PODNL1: variants seen among roughly 807,000 people sequenced by gnomAD.
PODNL1 encodes the protein podocan like 1.
PODNL1 carries 50 observed loss-of-function variants against 45.1 expected under a neutral mutation model. The observed-to-expected ratio is 1.11, with a 90% confidence interval of 0.88 to 1.40. The LOEUF (loss-of-function observed/expected upper bound fraction) is 1.40. Among genes scored for constraint, PODNL1 ranks in the 40% most tolerant of loss-of-function variants. The pLI is 0.00. For synonymous variants in PODNL1, 406 were observed against 372.5 expected (o/e 1.09, Z -1.04); for missense variants, 788 against 793.3 (o/e 0.99, Z 0.08).
chr19:13,948,030 ATT>A (rs1318886382), intron 1 of PODNL1, among the ~76,000 whole-genome samples: 1 of 151,442 alleles, frequency 6.6e-6, no homozygotes, highest in Non-Finnish European at 1.5e-5. Flanking sequence ...AATTTCTAAA[ATT>A]TTTATAGAGA....
chr19:13,952,651 C>T lies in PODNL1; in HGVS notation c.18+468G>A, dbSNP rs140944556. On this transcript the variant is annotated intron_variant, in intron 1 of 7. Transcript: ENST00000538371. ...GCAGCTGGAGCGGGTCAAGGTGAGG[C>T]CTGGAGCCGGAGTGGGGAGCGCGCC... 628 of 1,291,218 alleles carry T rather than the reference C, an allele frequency of 4.9e-4. 2 individuals carry two copies. The African/African-American group carries it at 8.7e-3, about 18-fold the overall frequency. 80.0% of individuals were successfully genotyped at this position (1,291,218 alleles called of 1,614,324 possible).
In PODNL1 at chr19:13,931,702, A is replaced by G; in HGVS notation, c.*35T>C. 2 of 1,231,632 alleles carry G rather than the reference A, an allele frequency of 1.6e-6. No homozygotes were observed. Among genetic ancestry groups the G allele is most frequent in the South Asian group, 4.1e-5 (1 of 24,286 alleles). The allele number at this position is 1,231,632 out of a possible 1,614,324, so 76.3% of individuals were successfully genotyped here. ...TCAGTCCACGGCCCAGCGGAGTCCC[A>G]GGAGTCTGAGCTGCTCTGCTGGGCC... On this transcript the variant is annotated 3_prime_UTR_variant, in exon 10 of 10. Coordinates refer to ENST00000588872, the MANE Select transcript of PODNL1 (RefSeq NM_001370095.3).
chr19:13,932,797 C>G lies in PODNL1; in HGVS notation c.1425+1G>C. 6.2e-7 allele frequency: 1 copy of G among 1,613,012 alleles called. No homozygotes were observed. The highest frequency in any genetic ancestry group is 1.3e-5 in the African/African-American group (1 of 75,070). ...GTGTGGCTAACCAGCCTGTGCCTGA[C>G]CTGGAGGGCTTGGAGCTCATGCCAG... On this transcript the variant is annotated splice_donor_variant, in intron 8 of 9. Coordinates refer to ENST00000588872, the MANE Select transcript of PODNL1 (RefSeq NM_001370095.3). LOFTEE classifies it high-confidence loss of function.
intron 6 of PODNL1, 102 bp downstream of exon 6, chr19:13,934,152 C>T (rs1259768529): frequency 7.1e-7 from 1 of 1,398,968 alleles, no homozygotes; most frequent in Non-Finnish European, 9.6e-7. Context: ...CACTGGCATT[C>T]TGAGGGGCAA....
intron 1 of PODNL1, among the ~76,000 whole-genome samples, chr19:13,952,040 G>C (rs538433716): frequency 7.2e-5 from 11 of 152,218 alleles, no homozygotes; most frequent in African/African-American, 2.6e-4. Context: ...CTCTTTCCTC[G>C]GCCTGGCTCT....
rs573054012 is a variant in PODNL1 at position 13,950,722 on chromosome 19, G to A, written c.18+2397C>T. 5.3e-5 allele frequency among the ~76,000 whole-genome samples: 8 copies of A among 152,272 alleles called. No individual in the cohort carries two copies. In the East Asian group the frequency reaches 1.5e-3, roughly 29 times the overall value. ...TTTGCTCTCCATGGACGTAGGGTAT[G>A]CAAGAAGCAGGGGAACCTTTGGCTA... On this transcript the variant is annotated intron_variant, in intron 1 of 7. Coordinates refer to the PODNL1 transcript ENST00000538371.
chr19:13,936,292 G>C, intron 3 of PODNL1, 75 bp downstream of exon 3: 1 of 1,372,202 alleles, frequency 7.3e-7, no homozygotes, highest in Non-Finnish European at 1.0e-6. Context: ...CAGATGGGGC[G>C]GGGGAGGGGG....
chr19:13,934,541 G>A, intron 5 of PODNL1, 131 bp from the exon 6 acceptor site: 1 of 902,406 alleles, frequency 1.1e-6, no homozygotes, highest in Non-Finnish European at 1.6e-6. Flanking sequence ...GCGCATGTGT[G>A]GAGTCTGTGT....
Position 13,933,326 on chromosome 19 carries a change from C to T in PODNL1, c.897G>A (p.Arg299=). Residue 299 remains arginine (R), a synonymous_variant, in exon 8 of 10, where the codon CGG becomes CGA. Transcript: ENST00000588872. This position sits in a 1 kb window ranked among gnomAD's most constrained non-coding sequence, Gnocchi z 5.2. Reference sequence around the variant, plus strand: ...AGCGCAGACCACGCGCCCCGTGCAGCCGAGCCGCCTCCACCTGCCGGATGC... The same window carrying T: ...AGCGCAGACCACGCGCCCCGTGCAGTCGAGCCGCCTCCACCTGCCGGATGC... The part of the protein sequence containing the change: ...RNRIRQVEAA[R]LHGARGLRYL... 1.2e-6 allele frequency: 2 copies of T among 1,601,150 alleles called. No individual in the cohort carries two copies. Among genetic ancestry groups the T allele is most frequent in the Non-Finnish European group, 8.5e-7 (1 of 1,177,416 alleles).
rs1392584560 is a variant in PODNL1 at position 13,933,264 on chromosome 19, C to T, written c.959G>A (p.Gly320Glu). Reference sequence around the variant, plus strand: ...CGGCCGCAGAGCCCCGGCGGGCAGCCCTGAGCTCCCCAGCTGGTTGTGCTG... The same window carrying T: ...CGGCCGCAGAGCCCCGGCGGGCAGCTCTGAGCTCCCCAGCTGGTTGTGCTG... ...LLQHNQLGSS[G>E]LPAGALRPLR... is the part of the protein sequence containing the mutation. Residue 320 changes from glycine (G) to glutamate (E), a missense_variant, in exon 8 of 10, where the codon GGG becomes GAG. Transcript: ENST00000588872. The surrounding 1 kb of genome is among the most constrained non-coding windows in gnomAD (Gnocchi z 5.2). The T allele has an allele frequency of 6.4e-7, 1 of 1,559,600 alleles. No individual in the cohort carries two copies.
chr19:13,932,878 G>C lies in PODNL1; in HGVS notation c.1345C>G (p.Arg449Gly). ...CGGTTGTGCGCCAGGCTGAGCTCCC[G>C]CAGTTGGTCCAGGCCGGCCAGAGGC... is the stretch of plus-strand genomic sequence containing the variant. ...PEPLAGLDQL[R>G]ELSLAHNRLR... Residue 449 changes from arginine (R) to glycine (G), a missense_variant, in exon 8 of 10, where the codon CGG becomes GGG. Physicochemically the swap from Arg to Gly is moderately radical, Grantham distance 125 (BLOSUM62 -2). This residue lies in a region of PODNL1 where 762 missense variants were observed against 750.9 expected (regional missense o/e 1.01). Coordinates refer to ENST00000588872, the MANE Select transcript of PODNL1 (RefSeq NM_001370095.3). 2 of 1,608,578 alleles carry C rather than the reference G, an allele frequency of 1.2e-6. No homozygotes were observed. Among genetic ancestry groups the C allele is most frequent in the Non-Finnish European group, 1.7e-6 (2 of 1,178,228 alleles).
At chr19:13,948,456 C>G (rs1242867791) in intron 1 of PODNL1, among the ~76,000 whole-genome samples, 1 of 150,080 alleles carries the variant, frequency 6.7e-6, no homozygotes, top group Admixed American at 6.7e-5. Context: ...TCCTGATCCA[C>G]CTGCCTCAGC....
Position 13,931,940 on chromosome 19 carries a change from CCCCTCCGGTCA to C in PODNL1, c.1574+13_1574+23del, listed in dbSNP as rs1971970982. 5.7e-6 allele frequency: 7 copies of C among 1,232,204 alleles called. No individual in the cohort carries two copies. The highest frequency in any genetic ancestry group is 7.1e-6 in the Non-Finnish European group (7 of 988,042). The allele number at this position is 1,232,204 out of a possible 1,614,324, so 76.3% of individuals were successfully genotyped here. On this transcript the variant is annotated intron_variant, in intron 9 of 9. Coordinates refer to ENST00000588872, the MANE Select transcript of PODNL1 (RefSeq NM_001370095.3). ...CCAGGCCCTCCCCTGCCCACCTCCA[CCCCTCCGGTCA>C]CCCTCGGGGCACCTGAGGAAGAGGG...
chr19:13,932,777 G>A, intron 8 of PODNL1, 21 bp downstream of exon 8: 1 of 1,612,702 alleles, frequency 6.2e-7, no homozygotes. Context: ...GGACAGTGTG[G>A]CTAACCAGCC....
rs1272710324 is a variant in PODNL1 at position 13,936,013 on chromosome 19, G to C, written c.351C>G (p.Thr117=). ...GLPDEAFESL[T]QLQHLCVAHN... ...GAGCCACGCAGAGGTGCTGCAGCTG[G>C]GTGAGGGACTCGAAGGCCTCGTCAG... Residue 117 remains threonine (T), a synonymous_variant, in exon 4 of 10, where the codon ACC becomes ACG. Transcript: ENST00000588872. 5 of 1,552,866 alleles carry C rather than the reference G, an allele frequency of 3.2e-6. No individual in the cohort carries two copies. Among genetic ancestry groups the C allele is most frequent in the Non-Finnish European group, 4.4e-6 (5 of 1,149,056 alleles).
chr19:13,934,061 TTGAGTAAGGGAG>T (rs1972152049), intron 6 of PODNL1, 68 bp from the exon 7 acceptor site: 1 of 1,454,514 alleles, frequency 6.9e-7, no homozygotes, highest in African/African-American at 1.4e-5. Context: ...CAGACGGCTC[TTGAGTAAGGGAG>T]TGACGAGGAG....
At chr19:13,934,498 A>AGTGTGTGTGTGTGTGT in intron 5 of PODNL1, 88 bp from the exon 6 acceptor site, 1 of 979,646 alleles carries the variant, frequency 1.0e-6, no homozygotes, top group Non-Finnish European at 1.4e-6. Flanking sequence ...GGTCGCCTTC[A>AGTGTGTGTGTGTGTGT]GTGTGTGTGT....
At chr19:13,950,440 GCTT>G (rs1972960082) in intron 1 of PODNL1, among the ~76,000 whole-genome samples, 1 of 152,144 alleles carries the variant, frequency 6.6e-6, no homozygotes, top group African/African-American at 2.4e-5. Flanking sequence ...AAAGTGCTGG[GCTT>G]ACAGGCATGA....
At chr19:13,938,098 G>C in intron 1 of PODNL1, 81 bp downstream of exon 1, 1 of 1,495,868 alleles carries the variant, frequency 6.7e-7, no homozygotes, top group Non-Finnish European at 9.0e-7. Flanking sequence ...GGTCTTGGTG[G>C]GGAGGCAGTG....
Sources: gnomAD v4.1 joint callset for allele counts (sites outside exome capture counted in the v4.1 genomes callset) on GRCh38, gnomAD v4.1.1 for gene constraint, gnomAD v4.1.1 regional missense constraint, Gnocchi (gnomAD v3.1) non-coding constraint, MANE v1.5 for transcripts, NCBI Gene and HGNC (gene_info 2026-07-23, HGNC 2026-07-21) for gene names.